ZNF385D: variants seen among roughly 807,000 people sequenced by gnomAD.
ZNF385D encodes the protein zinc finger protein 385D.
In ZNF385D, 15 loss-of-function variants were observed where a neutral mutation model predicts 35.8. The ratio of observed to expected loss-of-function variants is 0.42; its 90% CI spans 0.28 to 0.64. ZNF385D has a LOEUF of 0.64. ZNF385D is among the 30% of genes least tolerant of loss of function. The pLI is 0.23. For synonymous variants in ZNF385D, 212 were observed against 186.8 expected, an observed-to-expected ratio of 1.13 and a Z score of -1.10; for missense variants, 474 against 494.6, an observed-to-expected ratio of 0.96 and a Z score of 0.39.
intron 2 of ZNF385D, among the ~76,000 whole-genome samples, chr3:22,173,555 AC>A (rs1329231557): frequency 1.3e-5 from 2 of 152,168 alleles, no homozygotes; most frequent in African/African-American, 4.8e-5. Context: ...CCTCTTGAGA[AC>A]TTGTGTGCTC....
At chr3:21,770,191 T>A (rs1466476506) in intron 3 of ZNF385D, among the ~76,000 whole-genome samples, 2 of 152,026 alleles carry the variant, frequency 1.3e-5, no homozygotes, top group Non-Finnish European at 2.9e-5. Context: ...GGACTTCATG[T>A]CTAAAACACC....
chr3:21,957,712 A>G lies in ZNF385D; in HGVS notation c.325+211105T>C, dbSNP rs148720115. On this transcript the variant is annotated intron_variant, in intron 3 of 5. Transcript: ENST00000494108. ...TCTGCCCCATCTCCTCCTTATTTCC[A>G]TCCCATTTTCTCCTACATGGATTTT... is the stretch of plus-strand genomic sequence containing the variant. 2.9e-3 allele frequency among the ~76,000 whole-genome samples: 439 copies of G among 152,134 alleles called. 7 individuals are homozygous for G. The highest frequency in any genetic ancestry group is 0.02 in the Admixed American group (302 of 15,270).
intron 2 of ZNF385D, among the ~76,000 whole-genome samples, chr3:21,652,623 C>T (rs575012045): frequency 6.7e-6 from 1 of 148,224 alleles, no homozygotes; most frequent in African/African-American, 2.5e-5. Context: ...ATCCCTCCCC[C>T]CTCCCCCAAC....
intron 3 of ZNF385D, among the ~76,000 whole-genome samples, chr3:22,083,462 C>G (rs1700865233): frequency 6.6e-6 from 1 of 152,028 alleles, no homozygotes; most frequent in African/African-American, 2.4e-5. Context: ...CTGATTCGAT[C>G]AACTGGAAGA....
chr3:22,230,397 A>G (rs989098897), intron 2 of ZNF385D, among the ~76,000 whole-genome samples: 18 of 152,200 alleles, frequency 1.2e-4, no homozygotes, highest in African/African-American at 4.3e-4. Context: ...AAGGGTTCCC[A>G]TCCTAACTGC....
chr3:21,550,271 GTATTAAGATA>G (rs2062520636), intron 3 of ZNF385D, among the ~76,000 whole-genome samples: 1 of 151,932 alleles, frequency 6.6e-6, no homozygotes, highest in Admixed American at 6.6e-5. Context: ...ATACTGATAA[GTATTAAGATA>G]TATTAAGACA....
chr3:21,614,847 G>A (rs1401753740), intron 2 of ZNF385D, among the ~76,000 whole-genome samples: 2 of 152,118 alleles, frequency 1.3e-5, no homozygotes, highest in African/African-American at 2.4e-5. Context: ...TCGGCCTCCC[G>A]AAGTGCTGGG....
intron 2 of ZNF385D, among the ~76,000 whole-genome samples, chr3:22,363,835 T>G (rs974490805): frequency 6.6e-6 from 1 of 152,122 alleles, no homozygotes; most frequent in South Asian, 2.1e-4. Context: ...TACAGAGTAC[T>G]GCATAGATCA....
rs906198956 is a variant in ZNF385D, at chr3:21,864,283, G to T, written c.326-199255C>A. ...TCATGAAGTCTGATAGCTTAACCAG[G>T]TAAGCAACCTTTTCATATCAACCCC... On this transcript the variant is annotated intron_variant, in intron 3 of 5. Coordinates refer to the ZNF385D transcript ENST00000494108. Among the ~76,000 whole-genome samples the T allele has an allele frequency of 2.0e-5, 3 of 152,206 alleles. No individual in the cohort carries two copies. The South Asian group carries it at 6.2e-4, about 32-fold the overall frequency.
intron 2 of ZNF385D, among the ~76,000 whole-genome samples, chr3:21,630,016 CCTCA>C (rs60214670): frequency 0.59 from 89,677 of 151,464 alleles, 27,000 homozygotes; most frequent in Non-Finnish European, 0.64. Context: ...GTATATTTTT[CCTCA>C]CTATGTCCTC....
intron 3 of ZNF385D, among the ~76,000 whole-genome samples, chr3:22,117,523 A>G (rs972740479): frequency 6.6e-6 from 1 of 152,040 alleles, no homozygotes; most frequent in African/African-American, 2.4e-5. Flanking sequence ...AAATGATTAA[A>G]TAACAGGTTA....
At chr3:22,351,540 T>A (rs1376014535) in intron 2 of ZNF385D, among the ~76,000 whole-genome samples, 3 of 152,176 alleles carry the variant, frequency 2.0e-5, no homozygotes, top group Non-Finnish European at 4.4e-5. Flanking sequence ...CAGATTTTTA[T>A]ACACAATGCT....
intron 3 of ZNF385D, among the ~76,000 whole-genome samples, chr3:22,121,447 G>T (rs1410136755): frequency 6.6e-6 from 1 of 152,164 alleles, no homozygotes; most frequent in Admixed American, 6.6e-5. Flanking sequence ...CTCTTAATAT[G>T]ATGTAAATGG....
At chr3:21,511,621 C>T (rs1707211741) in intron 3 of ZNF385D, 1 of 449,262 alleles carries the variant, frequency 2.2e-6, no homozygotes, top group African/African-American at 2.0e-5. Context: ...TCACTTCTTA[C>T]CAAGGGTAGT....
At chr3:21,594,029 G>C (rs901957632) in intron 2 of ZNF385D, among the ~76,000 whole-genome samples, 1 of 152,166 alleles carries the variant, frequency 6.6e-6, no homozygotes, top group East Asian at 1.9e-4. Context: ...GCAGACAGTA[G>C]ACGCACAGCT....
chr3:21,800,307 G>A (rs1382092006), intron 3 of ZNF385D, among the ~76,000 whole-genome samples: 1 of 152,134 alleles, frequency 6.6e-6, no homozygotes, highest in Non-Finnish European at 1.5e-5. Context: ...GATAGGGATG[G>A]CATTGAATCT....
chr3:22,286,226 ATTC>A lies in ZNF385D; in HGVS notation c.106+86221_106+86223del, dbSNP rs940202732. ...AAATAAGATAATTAATATTTGTCTA[ATTC>A]TTCTTCTACAGTTGTGTGATGTACT... On this transcript the variant is annotated intron_variant, in intron 2 of 5. Coordinates refer to the ZNF385D transcript ENST00000494108. Among the ~76,000 whole-genome samples the A allele has an allele frequency of 2.6e-4, 40 of 152,232 alleles. No homozygotes were observed. The Middle Eastern group carries it at 0.017, about 65-fold the overall frequency.
intron 2 of ZNF385D, among the ~76,000 whole-genome samples, chr3:22,236,195 T>A (rs530438429): frequency 6.6e-6 from 1 of 152,316 alleles, no homozygotes; most frequent in East Asian, 1.9e-4. Context: ...TTATGATATA[T>A]ATGTATGTAC....
chr3:22,320,601 G>A (rs1261777310), intron 2 of ZNF385D, among the ~76,000 whole-genome samples: 2 of 149,612 alleles, frequency 1.3e-5, no homozygotes, highest in Non-Finnish European at 3.0e-5. Flanking sequence ...AGGAACTAAA[G>A]TTTTACTGAT....
Sources: gnomAD v4.1 joint callset for allele counts (sites outside exome capture counted in the v4.1 genomes callset) on GRCh38, gnomAD v4.1.1 for gene constraint, MANE v1.5 for transcripts, NCBI Gene and HGNC (gene_info 2026-07-23, HGNC 2026-07-21) for gene names.